PTPRZ1: variants seen among roughly 807,000 people sequenced by gnomAD.
PTPRZ1 encodes protein tyrosine phosphatase receptor type Z1.
A neutral mutation model predicts 214.1 loss-of-function variants in PTPRZ1; 82 were observed. That is an observed-to-expected ratio of 0.38 (90% CI 0.32 to 0.46). The LOEUF (loss-of-function observed/expected upper bound fraction) is 0.46. Ranked by LOEUF, PTPRZ1 falls within the 20% of genes least tolerant of loss-of-function variation. The pLI is 1.00. For synonymous variants in PTPRZ1, 945 were observed against 987.9 expected (o/e 0.96, Z 0.81); for missense variants, 2,603 against 2,748.7 (o/e 0.95, Z 1.19).
intron 1 of PTPRZ1, among the ~76,000 whole-genome samples, chr7:121,876,986 C>G (rs912193633): frequency 6.6e-6 from 1 of 152,102 alleles, no homozygotes; most frequent in South Asian, 2.1e-4. Flanking sequence ...ATTTGCTGAC[C>G]GTTCAGACTG....
chr7:121,963,294 A>G (rs573481024), intron 2 of PTPRZ1, among the ~76,000 whole-genome samples: 3 of 152,324 alleles, frequency 2.0e-5, no homozygotes, highest in South Asian at 2.1e-4. Context: ...AAGTCAGGAC[A>G]GGCTGCTTGT....
At chr7:121,965,682 A>G (rs901089807) in intron 2 of PTPRZ1, among the ~76,000 whole-genome samples, 10 of 152,150 alleles carry the variant, frequency 6.6e-5, no homozygotes, top group East Asian at 3.9e-4. Flanking sequence ...TTCATGCCCA[A>G]TTGGAGGGAA....
intron 1 of PTPRZ1, chr7:121,908,361 T>TATCA: frequency 6.5e-6 from 2 of 309,144 alleles, no homozygotes; most frequent in Non-Finnish European, 1.2e-5. Context: ...ATCAATCCCT[T>TATCA]TGGAAAAGAA....
chr7:121,900,290 G>A (rs2116258840), intron 1 of PTPRZ1, among the ~76,000 whole-genome samples: 1 of 152,286 alleles, frequency 6.6e-6, no homozygotes, highest in African/African-American at 2.4e-5. Flanking sequence ...ACCCAGGAGA[G>A]GCCGCTCACC....
intron 1 of PTPRZ1, among the ~76,000 whole-genome samples, chr7:121,875,192 A>T (rs1474687281): frequency 6.6e-6 from 1 of 152,176 alleles, no homozygotes; most frequent in East Asian, 1.9e-4. Context: ...CATGTTCCTT[A>T]GCAGCCATTC....
intron 10 of PTPRZ1, among the ~76,000 whole-genome samples, chr7:122,002,082 G>T (rs1798343396): frequency 6.6e-6 from 1 of 152,100 alleles, no homozygotes; most frequent in South Asian, 2.1e-4. Flanking sequence ...TTTGAGTTCA[G>T]GATGTTGAAT....
In PTPRZ1 at chr7:122,031,557, G is replaced by C; in HGVS notation, c.5164G>C (p.Glu1722Gln). 6.3e-7 allele frequency: 1 copy of C among 1,594,276 alleles called. No individual in the cohort carries two copies. Among genetic ancestry groups the C allele is most frequent in the Non-Finnish European group, 8.6e-7 (1 of 1,165,036 alleles). ...AAGTAGTGGGTTTACTGAAGAATTT[G>C]AGGTATGATTTTAATATGTCTATTT... ...HASSGFTEEFETLKEFYQEVQ... is the reference protein window; with the variant it reads ...HASSGFTEEFQTLKEFYQEVQ... Residue 1722 changes from glutamate (E) to glutamine (Q), a missense_variant and splice_region_variant, in exon 15 of 30, where the codon GAG becomes CAG. Coordinates refer to ENST00000393386, the MANE Select transcript of PTPRZ1 (RefSeq NM_002851.3).
At chr7:122,028,744 A>C (rs987124830) in intron 14 of PTPRZ1, 101 bp downstream of exon 14, 12 of 852,224 alleles carry the variant, frequency 1.4e-5, no homozygotes, top group Non-Finnish European at 1.9e-5. Context: ...AAATTGCTAT[A>C]ATGTAGATTA....
chr7:122,056,349 T>C (rs1029459716), intron 27 of PTPRZ1, among the ~76,000 whole-genome samples: 1 of 151,862 alleles, frequency 6.6e-6, no homozygotes, highest in African/African-American at 2.4e-5. Context: ...GGTTCCTGAT[T>C]GATCCTAATT....
rs771570805 is a variant in PTPRZ1, at chr7:122,012,155, GATA to G, written c.3114_3116del (p.Asn1038del). On this transcript the variant is annotated inframe_deletion, in exon 12 of 30. Coordinates refer to ENST00000393386, the MANE Select transcript of PTPRZ1 (RefSeq NM_002851.3). ...ATATACAACATCTGTGTTTGGTGAT[GATA>G]ATAAGGCGCTTTCTAAAAGTGAAAT... is the stretch of plus-strand genomic sequence containing the variant. The G allele has an allele frequency of 3.1e-6, 5 of 1,613,932 alleles. No individual in the cohort carries two copies. Among genetic ancestry groups the G allele is most frequent in the Admixed American group, 1.7e-5 (1 of 59,992 alleles).
intron 2 of PTPRZ1, among the ~76,000 whole-genome samples, chr7:121,955,871 A>G (rs752511447): frequency 9.9e-5 from 15 of 152,204 alleles, no homozygotes; most frequent in Admixed American, 2.6e-4. Context: ...AATTTTAATT[A>G]AATACTTGAT....
At position 121,873,168 on chromosome 7, in the gene PTPRZ1, G is replaced by GGCCGCCGCA. The variant is rs972812686; in HGVS notation, c.-327_-319dup. 4.9e-6 allele frequency: 2 copies of GGCCGCCGCA among 411,700 alleles called. No homozygotes were observed. The highest frequency in any genetic ancestry group is 4.1e-5 in the African/African-American group (2 of 48,712). 25.5% of individuals were successfully genotyped at this position (411,700 alleles called of 1,614,324 possible). A position where few individuals can be genotyped will look rare whatever the true frequency, so the allele number is the denominator to read the frequency against. On this transcript the variant is annotated 5_prime_UTR_variant, in exon 1 of 30. Coordinates refer to ENST00000393386, the MANE Select transcript of PTPRZ1 (RefSeq NM_002851.3). ...GCTGCTCTCGGAGCGCTCAGACCGC[G>GGCCGCCGCA]GCCGCCGCAGCCGGCGAAAGAGGCA... is the stretch of plus-strand genomic sequence containing the variant.
chr7:121,981,948 G>C (rs1797627010), intron 6 of PTPRZ1, among the ~76,000 whole-genome samples: 1 of 151,796 alleles, frequency 6.6e-6, no homozygotes, highest in Non-Finnish European at 1.5e-5. Context: ...AATATTTTTT[G>C]TGTGCCATTT....
chr7:122,056,001 T>C (rs1163431529), intron 27 of PTPRZ1, among the ~76,000 whole-genome samples: 2 of 151,760 alleles, frequency 1.3e-5, no homozygotes. Context: ...CCTATCTCAT[T>C]AAAACAAAAA....
At chr7:121,949,459 A>G (rs17143947) in intron 2 of PTPRZ1, among the ~76,000 whole-genome samples, 5,993 of 151,574 alleles carry the variant, frequency 0.04, 133 homozygotes, top group East Asian at 0.084. Context: ...TAGCCTAGAA[A>G]ACTCATCTAT....
At chr7:121,967,382 T>G (rs1436982582) in intron 2 of PTPRZ1, among the ~76,000 whole-genome samples, 2 of 152,084 alleles carry the variant, frequency 1.3e-5, no homozygotes, top group Non-Finnish European at 2.9e-5. Flanking sequence ...CAGATGGAAA[T>G]TAAACCAAAT....
intron 2 of PTPRZ1, among the ~76,000 whole-genome samples, chr7:121,965,197 G>C (rs2116501512): frequency 6.6e-6 from 1 of 152,272 alleles, no homozygotes; most frequent in East Asian, 1.9e-4. Flanking sequence ...TGAGGAGGAA[G>C]GGCTGCTTAG....
Position 121,976,234 on chromosome 7 carries a change from A to G in PTPRZ1, c.518A>G (p.Lys173Arg). 1 of 1,608,668 alleles carries G rather than the reference A, an allele frequency of 6.2e-7. No individual in the cohort carries two copies. Residue 173 changes from lysine (K) to arginine (R), a missense_variant, in exon 5 of 30, where the codon AAA becomes AGA. Lys to Arg is a conservative substitution (Grantham distance 26). Coordinates refer to ENST00000393386, the MANE Select transcript of PTPRZ1 (RefSeq NM_002851.3). ...FSSFEEAVKG[K>R]GKLRALSILF... ...AGTTTTGAGGAAGCAGTCAAAGGAA[A>G]AGGGAAGTTAAGAGCTTTATCCATT...
intron 23 of PTPRZ1, among the ~76,000 whole-genome samples, chr7:122,048,693 T>G (rs1005200383): frequency 5.9e-5 from 9 of 152,048 alleles, no homozygotes; most frequent in African/African-American, 2.2e-4. Flanking sequence ...ACACTAAAAA[T>G]ATATAGAAAA....
Sources: gnomAD v4.1 joint callset for allele counts (sites outside exome capture counted in the v4.1 genomes callset) on GRCh38, gnomAD v4.1.1 for gene constraint, MANE v1.5 for transcripts, NCBI Gene and HGNC (gene_info 2026-07-23, HGNC 2026-07-21) for gene names.